The following CCDC7 variants were observed in gnomAD, a reference collection of about 807,000 sequenced individuals.
The protein encoded by CCDC7 is coiled-coil domain containing 7.
CCDC7 carries 183 observed loss-of-function variants against 196.9 expected under a neutral mutation model. The ratio of observed to expected loss-of-function variants is 0.93; its 90% CI spans 0.82 to 1.05. The LOEUF (loss-of-function observed/expected upper bound fraction) is 1.05. Among genes scored for constraint, CCDC7 ranks in the 50% least tolerant of loss-of-function variants. The pLI, the probability that CCDC7 is intolerant of heterozygous loss-of-function variation, is 0.00. For missense variants in CCDC7, 1,540 were observed against 1,482.2 expected (o/e 1.04, Z -0.64); for synonymous variants, 525 against 484.6 (o/e 1.08, Z -1.10).
intron 28 of CCDC7, among the ~76,000 whole-genome samples, chr10:32,741,386 T>C (rs1022903527): frequency 1.3e-5 from 2 of 152,164 alleles, no homozygotes; most frequent in Non-Finnish European, 2.9e-5. Context: ...AGTTTGTTCT[T>C]TGGTTCATGA....
At chr10:32,786,542 A>G (rs901871675) in intron 29 of CCDC7, among the ~76,000 whole-genome samples, 22 of 152,266 alleles carry the variant, frequency 1.4e-4, no homozygotes, top group East Asian at 7.7e-4. Flanking sequence ...GGGTGGATCA[A>G]TTGAGGCCAG....
intron 8 of CCDC7, among the ~76,000 whole-genome samples, chr10:32,488,530 C>G (rs147059570): frequency 6.6e-6 from 1 of 152,244 alleles, no homozygotes; most frequent in African/African-American, 2.4e-5. Context: ...GAGATGAACC[C>G]GGTACCTCAG....
At chr10:32,568,010 T>C in intron 15 of CCDC7, 119 bp downstream of exon 16, 1 of 877,774 alleles carries the variant, frequency 1.1e-6, no homozygotes, top group Non-Finnish European at 1.5e-6. Context: ...TTTTGGGTTT[T>C]TTTTTTTTTT....
intron 20 of CCDC7, among the ~76,000 whole-genome samples, chr10:32,661,162 G>A (rs1443882205): frequency 6.6e-6 from 1 of 151,502 alleles, no homozygotes; most frequent in Non-Finnish European, 1.5e-5. Context: ...GTGGGCGAAG[G>A]ACATGAACAG....
chr10:32,562,541 A>T (rs964060416), intron 13 of CCDC7, among the ~76,000 whole-genome samples: 4 of 152,228 alleles, frequency 2.6e-5, no homozygotes, highest in African/African-American at 7.2e-5. Flanking sequence ...ACAGAACCAA[A>T]GACAAAAACC....
At chr10:32,605,937 TC>T (rs1427057470) in intron 18 of CCDC7, among the ~76,000 whole-genome samples, 6 of 152,188 alleles carry the variant, frequency 3.9e-5, no homozygotes, top group African/African-American at 1.4e-4. Context: ...AGCCAGGTGC[TC>T]ATAGCCAAGA....
intron 32 of CCDC7, among the ~76,000 whole-genome samples, chr10:32,828,491 A>AAGAGGAAGAG (rs2091641971): frequency 1.6e-5 from 1 of 63,044 alleles, no homozygotes; most frequent in Non-Finnish European, 3.0e-5. Context: ...AAGAGGAAGA[A>AAGAGGAAGAG]GAAGAAGAAG....
intron 23 of CCDC7, among the ~76,000 whole-genome samples, chr10:32,692,686 T>C (rs2077222918): frequency 6.6e-6 from 1 of 152,228 alleles, no homozygotes; most frequent in Admixed American, 6.5e-5. Context: ...TCTATTAAGA[T>C]AACATGCCAA....
intron 9 of CCDC7, among the ~76,000 whole-genome samples, chr10:32,505,334 C>T (rs1290512291): frequency 6.6e-6 from 1 of 151,924 alleles, no homozygotes; most frequent in Non-Finnish European, 1.5e-5. Context: ...GTCCCTGCGG[C>T]CTTCCACAGT....
chr10:32,879,279 C>T (rs774766260), downstream of CCDC7, among the ~76,000 whole-genome samples: 28 of 152,066 alleles, frequency 1.8e-4, no homozygotes, highest in Non-Finnish European at 3.5e-4. Context: ...GACAAGTTTC[C>T]TCATACGTTA....
At chr10:32,808,000 T>G (rs181241355) in intron 30 of CCDC7, among the ~76,000 whole-genome samples, 2 of 152,248 alleles carry the variant, frequency 1.3e-5, no homozygotes, top group East Asian at 3.9e-4. Context: ...CCTGCATCTA[T>G]GCAGTGGGCT....
intron 24 of CCDC7, among the ~76,000 whole-genome samples, chr10:32,697,428 A>C (rs908046826): frequency 3.3e-5 from 5 of 152,208 alleles, no homozygotes; most frequent in African/African-American, 1.2e-4. Context: ...TAGTCAAGGG[A>C]AGCCATGACA....
intron 8 of CCDC7, among the ~76,000 whole-genome samples, chr10:32,483,663 G>A (rs1371070033): frequency 3.9e-5 from 6 of 152,050 alleles, no homozygotes; most frequent in Non-Finnish European, 5.9e-5. Context: ...ATCTTGAATT[G>A]ATTTTTGTAT....
At chr10:32,610,802 T>A (rs1210221466) in intron 18 of CCDC7, among the ~76,000 whole-genome samples, 2 of 152,230 alleles carry the variant, frequency 1.3e-5, no homozygotes, top group Non-Finnish European at 2.9e-5. Flanking sequence ...TGTGCCACAT[T>A]TTCTTTATCC....
At chr10:32,847,960 T>C (rs751217834) in intron 38 of CCDC7, 44 bp downstream of exon 39, 1 of 1,251,828 alleles carries the variant, frequency 8.0e-7, no homozygotes, top group Non-Finnish European at 1.2e-6. Context: ...GTTTATCTTC[T>C]CTGGGGTTTA....
intron 4 of CCDC7, 143 bp from the exon 6 acceptor site, chr10:32,462,873 TC>T: frequency 1.5e-6 from 2 of 1,346,304 alleles, no homozygotes; most frequent in Non-Finnish European, 2.0e-6. Context: ...CCATTCTGAA[TC>T]CCAAGTGATG....
At chr10:32,718,799 A>G (rs996751147) in intron 25 of CCDC7, among the ~76,000 whole-genome samples, 1 of 152,186 alleles carries the variant, frequency 6.6e-6, no homozygotes, top group South Asian at 2.1e-4. Flanking sequence ...TAAAATACCT[A>G]GGAATACAGC....
chr10:32,455,093 A>G (rs546804154), intron 2 of CCDC7, among the ~76,000 whole-genome samples: 63 of 152,144 alleles, frequency 4.1e-4, no homozygotes, highest in African/African-American at 1.2e-3. Context: ...GTATTTCTCT[A>G]TCTTCTCTAT....
intron 21 of CCDC7, among the ~76,000 whole-genome samples, chr10:32,665,941 C>A (rs1591331695): frequency 6.6e-6 from 1 of 151,778 alleles, no homozygotes. Flanking sequence ...TTCCTAGGAA[C>A]TTAATTTTTT....
Sources: gnomAD v4.1 joint callset for allele counts (sites outside exome capture counted in the v4.1 genomes callset) on GRCh38, gnomAD v4.1.1 for gene constraint, MANE v1.5 for transcripts, NCBI Gene and HGNC (gene_info 2026-07-23, HGNC 2026-07-21) for gene names.